The following GRM7 variants were observed in gnomAD, a reference collection of about 807,000 sequenced individuals.
The protein encoded by GRM7 is glutamate metabotropic receptor 7.
GRM7 carries 35 observed loss-of-function variants against 84.5 expected under a neutral mutation model. The observed-to-expected ratio is 0.41, with a 90% CI of 0.32 to 0.55. GRM7 has a LOEUF of 0.55. Among genes scored for constraint, GRM7 ranks in the 20% least tolerant of loss-of-function variants. GRM7 has a pLI of 0.19. For synonymous variants in GRM7, 487 were observed against 455.1 expected, an observed-to-expected ratio of 1.07 and a Z score of -0.89; for missense variants, 1,003 against 1,194.6, an observed-to-expected ratio of 0.84 and a Z score of 2.36.
intron 2 of GRM7, among the ~76,000 whole-genome samples, chr3:7,250,141 C>A (rs1697925851): frequency 6.6e-6 from 1 of 152,020 alleles, no homozygotes; most frequent in Admixed American, 6.6e-5. Context: ...ATTGGCAGAA[C>A]AACATATTTG....
chr3:7,412,167 A>G (rs1303218697), intron 4 of GRM7, among the ~76,000 whole-genome samples: 5 of 152,086 alleles, frequency 3.3e-5, no homozygotes, highest in Non-Finnish European at 1.5e-5. Context: ...TCATTGGGCC[A>G]TTCTTACTAA....
At chr3:7,197,753 GA>G (rs1273139232) in intron 2 of GRM7, among the ~76,000 whole-genome samples, 2 of 151,576 alleles carry the variant, frequency 1.3e-5, no homozygotes, top group African/African-American at 2.4e-5. Flanking sequence ...TGGTGTTAGA[GA>G]ATATCTTATA....
At chr3:7,268,212 G>C (rs556731823) in intron 2 of GRM7, among the ~76,000 whole-genome samples, 29 of 152,152 alleles carry the variant, frequency 1.9e-4, no homozygotes, top group African/African-American at 6.5e-4. Context: ...AATCCAAAGG[G>C]GAGACACAGC....
chr3:7,011,964 G>C (rs1695385978), intron 1 of GRM7, among the ~76,000 whole-genome samples: 1 of 152,170 alleles, frequency 6.6e-6, no homozygotes, highest in East Asian at 1.9e-4. Context: ...TCCTAGAAGA[G>C]AGTGTTCTTC....
chr3:7,057,373 C>G (rs976226759), intron 1 of GRM7, among the ~76,000 whole-genome samples: 7 of 151,790 alleles, frequency 4.6e-5, no homozygotes, highest in African/African-American at 1.7e-4. Context: ...TTAGTAGATA[C>G]AAAGTAATGC....
In GRM7 at chr3:7,686,530, A is replaced by T. The variant is rs1259771542; in HGVS notation, c.2698+6235A>T. 7 of 675,460 alleles carry T rather than the reference A, an allele frequency of 1.0e-5. No individual in the cohort carries two copies. The African/African-American group carries it at 1.1e-4, about 10-fold the overall frequency. The allele number at this position is 675,460 out of a possible 1,614,324, so 41.8% of individuals were successfully genotyped here. On this transcript the variant is annotated intron_variant, in intron 9 of 9. Coordinates refer to ENST00000357716, the MANE Select transcript of GRM7 (RefSeq NM_000844.4). ...AGAAATGTTTCCATGGAAACTGTGC[A>T]TGATTACCTGAAAATATATCTATAG...
chr3:7,110,132 C>A (rs1412423043), intron 1 of GRM7, among the ~76,000 whole-genome samples: 3 of 151,944 alleles, frequency 2.0e-5, no homozygotes, highest in Admixed American at 6.6e-5. Flanking sequence ...TTCAATCTAC[C>A]TACTATGGAA....
intron 6 of GRM7, among the ~76,000 whole-genome samples, chr3:7,458,716 C>T (rs1404130985): frequency 6.6e-6 from 1 of 152,116 alleles, no homozygotes; most frequent in Non-Finnish European, 1.5e-5. Context: ...CCTCTGGAGC[C>T]CCAGGCCTCC....
chr3:7,115,122 A>G lies in GRM7; in HGVS notation c.520-31330A>G, dbSNP rs545658189. On this transcript the variant is annotated intron_variant, in intron 1 of 9. Transcript: ENST00000357716. ...ATGTATTCTAAGTCACAGAGAAACT[A>G]TGCCACTTATCTAAGGTCAGATGGC... Among the ~76,000 whole-genome samples, 18 of 152,316 alleles carry G rather than the reference A, an allele frequency of 1.2e-4. No homozygotes were observed. In the South Asian group the frequency reaches 2.3e-3, roughly 19 times the overall value.
At chr3:7,196,660 G>C (rs958806987) in intron 2 of GRM7, among the ~76,000 whole-genome samples, 35 of 152,102 alleles carry the variant, frequency 2.3e-4, no homozygotes, top group African/African-American at 6.5e-4. Context: ...CTTTAGTGAA[G>C]ATGTTCCTGA....
chr3:7,462,128 T>G (rs557779795), intron 7 of GRM7, among the ~76,000 whole-genome samples: 2 of 152,322 alleles, frequency 1.3e-5, no homozygotes, highest in Non-Finnish European at 2.9e-5. Context: ...TTGAGTGTAT[T>G]TATGTGAGAT....
intron 8 of GRM7, among the ~76,000 whole-genome samples, chr3:7,630,941 G>A (rs111686240): frequency 3.9e-5 from 6 of 152,326 alleles, no homozygotes; most frequent in African/African-American, 1.4e-4. Flanking sequence ...CAATGATGAT[G>A]TGATCTTTTT....
At chr3:7,675,304 T>G (rs1700080575) in intron 8 of GRM7, among the ~76,000 whole-genome samples, 1 of 152,204 alleles carries the variant, frequency 6.6e-6, no homozygotes, top group South Asian at 2.1e-4. Flanking sequence ...CCATCATTAT[T>G]ACAACTATTA....
rs368447423 is a variant in GRM7, at chr3:7,554,096, A to G, written c.1516-24326A>G. Among the ~76,000 whole-genome samples the G allele has an allele frequency of 1.3e-3, 198 of 152,342 alleles. 1 individual carries two copies. Among genetic ancestry groups the G allele is most frequent in the African/African-American group, 4.6e-3 (193 of 41,580 alleles). On this transcript the variant is annotated intron_variant, in intron 7 of 9. Transcript: ENST00000357716. ...AAGCAAAGCTATGACGAAGCTATGC[A>G]AAGTAGAACGTTGCTAGATCCAGAA...
At chr3:7,272,042 G>GA (rs758431852) in intron 2 of GRM7, among the ~76,000 whole-genome samples, 51 of 151,756 alleles carry the variant, frequency 3.4e-4, no homozygotes, top group South Asian at 1.2e-3. Flanking sequence ...ATATTTTATT[G>GA]AAAAAAAATC....
At chr3:7,280,799 C>T (rs1227879174) in intron 2 of GRM7, among the ~76,000 whole-genome samples, 1 of 152,160 alleles carries the variant, frequency 6.6e-6, no homozygotes, top group East Asian at 1.9e-4. Flanking sequence ...AAAGTGCTTA[C>T]AATTGATAAC....
intron 2 of GRM7, among the ~76,000 whole-genome samples, chr3:7,183,180 AG>A (rs1695401673): frequency 6.6e-6 from 1 of 152,194 alleles, no homozygotes; most frequent in South Asian, 2.1e-4. Context: ...CAAATGACAA[AG>A]GATAAATTTG....
intron 7 of GRM7, among the ~76,000 whole-genome samples, chr3:7,475,222 A>C (rs1316046668): frequency 6.6e-6 from 1 of 152,194 alleles, no homozygotes; most frequent in Admixed American, 6.5e-5. Flanking sequence ...GTGTGGTGAT[A>C]CTGTAAGGGA....
intron 1 of GRM7, among the ~76,000 whole-genome samples, chr3:6,906,901 ATT>A (rs1185953716): frequency 7.2e-5 from 11 of 152,178 alleles, no homozygotes; most frequent in Non-Finnish European, 1.6e-4. Flanking sequence ...AACTGCACAT[ATT>A]TAGCATGTGC....
Sources: gnomAD v4.1 joint callset for allele counts (sites outside exome capture counted in the v4.1 genomes callset) on GRCh38, gnomAD v4.1.1 for gene constraint, MANE v1.5 for transcripts, NCBI Gene and HGNC (gene_info 2026-07-23, HGNC 2026-07-21) for gene names.